UTP20: variants seen among roughly 807,000 people sequenced by gnomAD.
The protein encoded by UTP20 is UTP20 small subunit processome component, also known as small subunit processome component 20 homolog.
Under a neutral mutation model 329.5 loss-of-function variants are expected in UTP20, and 164 were observed. The observed-to-expected ratio is 0.50, with a 90% confidence interval of 0.44 to 0.57. The LOEUF (loss-of-function observed/expected upper bound fraction) is 0.57. Ranked by LOEUF, UTP20 falls within the 20% of genes least tolerant of loss-of-function variation. The pLI, the probability that UTP20 is intolerant of heterozygous loss-of-function variation, is 0.00. For missense variants in UTP20, 3,055 were observed against 3,284.2 expected (o/e 0.93, Z 1.71); for synonymous variants, 1,151 against 1,159.3 (o/e 0.99, Z 0.14).
At position 101,329,401 on chromosome 12, in the gene UTP20, G is replaced by A; in HGVS notation, c.3369G>A (p.Leu1123=). The A allele has an allele frequency of 1.2e-6, 2 of 1,614,066 alleles. No homozygotes were observed. Among genetic ancestry groups the A allele is most frequent in the Admixed American group, 1.7e-5 (1 of 60,014 alleles). The change falls in exon 27 of 62, where the codon CTG becomes CTA. Residue 1123 remains leucine (L), a synonymous_variant. Transcript: ENST00000261637. ...SAYLPKILQI[L]LCMTATVSHI... is the part of the protein sequence containing the mutation. The stretch of plus-strand genomic sequence containing the variant: ...ACCTGCCGAAGATTTTGCAGATACT[G>A]CTCTGTATGACAGCAACCGTATCAC...
chr12:101,327,267 C>T lies in UTP20; in HGVS notation c.3208+20C>T. ...AGAATGGTAACTATCAGCTACCTCT[C>T]ACTCTAATACCTGTTGTCTGCGGTG... On this transcript the variant is annotated intron_variant, in intron 26 of 61. Coordinates refer to ENST00000261637, the MANE Select transcript of UTP20 (RefSeq NM_014503.3). 2 of 1,561,190 alleles carry T rather than the reference C, an allele frequency of 1.3e-6. No homozygotes were observed. The highest frequency in any genetic ancestry group is 1.7e-6 in the Non-Finnish European group (2 of 1,143,024).
intron 2 of UTP20, among the ~76,000 whole-genome samples, chr12:101,284,770 AC>A (rs1307188323): frequency 6.6e-6 from 1 of 151,860 alleles, no homozygotes; most frequent in Non-Finnish European, 1.5e-5. Flanking sequence ...CACTCCTCCC[AC>A]CCCTAATTCC....
Position 101,295,600 on chromosome 12 carries a change from A to G in UTP20, c.1372A>G (p.Thr458Ala). ...CATTCTGAACAAAGCAGCACCTCCC[A>G]CTGCTGGCTCGATGGCAATTGAAAA... is the stretch of plus-strand genomic sequence containing the variant. ...KLILNKAAPP[T>A]AGSMAIEKYP... The change falls in exon 12 of 62, where the codon ACT (threonine) becomes GCT (alanine). Residue 458 changes from threonine to alanine, a missense_variant. Coordinates refer to ENST00000261637, the MANE Select transcript of UTP20 (RefSeq NM_014503.3). The G allele has an allele frequency of 6.2e-7, 1 of 1,613,076 alleles. No homozygotes were observed. Among genetic ancestry groups the G allele is most frequent in the Non-Finnish European group, 8.5e-7 (1 of 1,179,408 alleles).
chr12:101,333,683 G>A (rs530395256), intron 28 of UTP20, among the ~76,000 whole-genome samples: 1 of 145,900 alleles, frequency 6.9e-6, no homozygotes, highest in Admixed American at 6.7e-5. Context: ...ATATGAATGT[G>A]TCTCTTAAGC....
chr12:101,338,968 T>A lies in UTP20; in HGVS notation c.4013+11T>A. The A allele has an allele frequency of 6.4e-7, 1 of 1,571,618 alleles. No homozygotes were observed. The highest frequency in any genetic ancestry group is 8.6e-7 in the Non-Finnish European group (1 of 1,167,334). The stretch of plus-strand genomic sequence containing the variant: ...TGGCATTCTTTCAAAGTAAGTGATA[T>A]GTTGATACTTAAAAGATAACATTAC... On this transcript the variant is annotated intron_variant, in intron 31 of 61. Coordinates refer to ENST00000261637, the MANE Select transcript of UTP20 (RefSeq NM_014503.3).
At chr12:101,364,477 A>G (rs1164456351) in intron 45 of UTP20, among the ~76,000 whole-genome samples, 1 of 152,158 alleles carries the variant, frequency 6.6e-6, no homozygotes, top group Non-Finnish European at 1.5e-5. Context: ...GGAAAGGTAG[A>G]AAGGAACATG....
intron 60 of UTP20, 106 bp downstream of exon 60, chr12:101,383,775 T>C: frequency 1.5e-6 from 1 of 669,894 alleles, no homozygotes; most frequent in African/African-American, 1.9e-5. Context: ...GCCTGAGATT[T>C]ATTTTTATTT....
At chr12:101,287,407 C>T (rs1871995890) in intron 5 of UTP20, among the ~76,000 whole-genome samples, 1 of 152,240 alleles carries the variant, frequency 6.6e-6, no homozygotes, top group Non-Finnish European at 1.5e-5. Flanking sequence ...ATGACTTCAG[C>T]TGTCATAAAA....
chr12:101,363,188 T>C (rs1869982612), intron 44 of UTP20, among the ~76,000 whole-genome samples: 1 of 152,132 alleles, frequency 6.6e-6, no homozygotes, highest in Non-Finnish European at 1.5e-5. Context: ...ATATTTGTAA[T>C]TTATAATTAG....
intron 15 of UTP20, among the ~76,000 whole-genome samples, chr12:101,304,454 A>G (rs1368903400): frequency 2.0e-5 from 3 of 152,250 alleles, no homozygotes; most frequent in East Asian, 3.8e-4. Context: ...ATGTGTGGGT[A>G]CTGTTATCAG....
chr12:101,298,045 T>C (rs1872413853), intron 12 of UTP20, among the ~76,000 whole-genome samples: 1 of 152,162 alleles, frequency 6.6e-6, no homozygotes, highest in Admixed American at 6.5e-5. Flanking sequence ...AGTTTGAATA[T>C]TACTAGTAAC....
At position 101,280,109 on chromosome 12, in the gene UTP20, A is replaced by C; in HGVS notation, c.-174A>C. 1 of 763,372 alleles carries C rather than the reference A, an allele frequency of 1.3e-6. No individual in the cohort carries two copies. The highest frequency in any genetic ancestry group is 3.0e-5 in the Admixed American group (1 of 33,264). The allele number at this position is 763,372 out of a possible 1,614,324, so 47.3% of individuals were successfully genotyped here. On this transcript the variant is annotated 5_prime_UTR_variant, in exon 1 of 62. Transcript: ENST00000261637. Reference sequence around the variant, plus strand: ...TTTTTTCCGTCCACGTGACCCACTCAGGCTCCTCCTTGTCTCCAACATGGC... The same window carrying C: ...TTTTTTCCGTCCACGTGACCCACTCCGGCTCCTCCTTGTCTCCAACATGGC...
chr12:101,379,195 C>T (rs975614536), intron 56 of UTP20, among the ~76,000 whole-genome samples, 176 bp from the exon 57 acceptor site: 14 of 152,166 alleles, frequency 9.2e-5, no homozygotes, highest in Non-Finnish European at 1.5e-4. Flanking sequence ...TATTTTTGTA[C>T]ACATTAACCA....
In UTP20 at chr12:101,374,803, G is replaced by T; in HGVS notation, c.7132-5G>T. ...TGACATTGTCTTGTGGTTTATTTTT[G>T]GTAGCGCTTAAATAGACAACTTGCT... is the stretch of plus-strand genomic sequence containing the variant. On this transcript the variant is annotated splice_polypyrimidine_tract_variant and splice_region_variant and intron_variant, in intron 54 of 61. Transcript: ENST00000261637. 1.0e-6 allele frequency: 1 copy of T among 957,960 alleles called. No homozygotes were observed. Among genetic ancestry groups the T allele is most frequent in the South Asian group, 1.3e-5 (1 of 77,336 alleles). 59.3% of individuals were successfully genotyped at this position (957,960 alleles called of 1,614,324 possible).
chr12:101,312,047 C>G lies in UTP20; in HGVS notation c.2323C>G (p.Gln775Glu). 1 of 1,614,208 alleles carries G rather than the reference C, an allele frequency of 6.2e-7. No homozygotes were observed. The highest frequency in any genetic ancestry group is 8.5e-7 in the Non-Finnish European group (1 of 1,180,044). ...KAATHAEKEL[Q>E]NDMTDEKSVG... ...TTTCTTTCTTGCAGAGAAGGAACTA[C>G]AGAATGATATGACAGATGAGAAGTC... The change falls in exon 21 of 62, where the codon CAG becomes GAG. Residue 775 changes from glutamine (Q) to glutamate (E), a missense_variant. Transcript: ENST00000261637.
In UTP20 at chr12:101,363,575, G is replaced by A. The variant is rs764925734; in HGVS notation, c.5791-1G>A. The A allele has an allele frequency of 2.5e-6, 4 of 1,609,138 alleles. No homozygotes were observed. Among genetic ancestry groups the A allele is most frequent in the Non-Finnish European group, 3.4e-6 (4 of 1,178,254 alleles). ...TGCCATTTGTCCTTTTTCTTCCAAA[G>A]ATTTTTAACCATGAGTTGTTTGGTG... On this transcript the variant is annotated splice_acceptor_variant, in intron 44 of 61. Transcript: ENST00000261637. LOFTEE classifies it high-confidence loss of function.
intron 55 of UTP20, 68 bp from the exon 56 acceptor site, chr12:101,375,556 G>A (rs1396447162): frequency 2.3e-5 from 35 of 1,545,218 alleles, no homozygotes; most frequent in Non-Finnish European, 3.1e-5. Flanking sequence ...TGATGTGCTG[G>A]AGTAAAATTG....
chr12:101,321,029 C>A, intron 24 of UTP20, 92 bp downstream of exon 24: 1 of 1,156,072 alleles, frequency 8.6e-7, no homozygotes, highest in East Asian at 2.5e-5. Context: ...TTATTAAAGG[C>A]CTAGAAAGTT....
At chr12:101,371,306 T>C in intron 51 of UTP20, 138 bp downstream of exon 51, 1 of 640,426 alleles carries the variant, frequency 1.6e-6, no homozygotes, top group Non-Finnish European at 2.5e-6. Context: ...GGCGTCCTGG[T>C]GCAGGTGGTC....
Sources: gnomAD v4.1 joint callset for allele counts (sites outside exome capture counted in the v4.1 genomes callset) on GRCh38, gnomAD v4.1.1 for gene constraint, MANE v1.5 for transcripts, NCBI Gene and HGNC (gene_info 2026-07-23, HGNC 2026-07-21) for gene names.